The following RPA3 variants were observed in gnomAD, a reference collection of about 807,000 sequenced individuals.
RPA3 encodes the protein replication protein A 14 kDa subunit.
RPA3 carries 24 observed loss-of-function variants against 13.7 expected under a neutral mutation model. That is an observed-to-expected ratio of 1.75 (90% CI 1.27 to 2.46). The LOEUF (loss-of-function observed/expected upper bound fraction) is 2.46. Among genes scored for constraint, RPA3 ranks in the 30% most tolerant of loss-of-function variants. The pLI is 0.00. For synonymous variants in RPA3, 59 were observed against 51.2 expected, an observed-to-expected ratio of 1.15 and a Z score of -0.65; for missense variants, 183 against 151.0, an observed-to-expected ratio of 1.21 and a Z score of -1.11.
At chr7:7,711,079 T>G (rs534885643) in intron 2 of RPA3, among the ~76,000 whole-genome samples, 1 of 152,292 alleles carries the variant, frequency 6.6e-6, no homozygotes, top group South Asian at 2.1e-4. Flanking sequence ...TATAGAAGGA[T>G]AACACTGGGG....
chr7:7,689,242 G>C, intron 2 of RPA3: 1 of 152,168 alleles, frequency 6.6e-6, no homozygotes, highest in Non-Finnish European at 1.5e-5. Flanking sequence ...GGCAGATACA[G>C]ACAGAAGAGA....
At chr7:7,692,188 C>T (rs559906456) in intron 2 of RPA3, among the ~76,000 whole-genome samples, 1 of 152,188 alleles carries the variant, frequency 6.6e-6, no homozygotes, top group South Asian at 2.1e-4. Context: ...AGCAGCTAGT[C>T]AGCAGGTAGA....
At chr7:7,659,981 G>A (rs1470743113) in intron 4 of RPA3, among the ~76,000 whole-genome samples, 12 of 152,118 alleles carry the variant, frequency 7.9e-5, no homozygotes. Flanking sequence ...GAATCTGGGT[G>A]ATCCTGTATT....
intron 2 of RPA3, among the ~76,000 whole-genome samples, chr7:7,706,349 G>A (rs895646052): frequency 2.0e-5 from 3 of 152,120 alleles, no homozygotes; most frequent in African/African-American, 7.2e-5. Context: ...CCTAGTCTGG[G>A]TTTGCTGGTT....
intron 4 of RPA3, among the ~76,000 whole-genome samples, chr7:7,683,200 C>T (rs972539003): frequency 1.3e-5 from 2 of 152,070 alleles, no homozygotes; most frequent in African/African-American, 2.4e-5. Flanking sequence ...TTGACTCAAA[C>T]GTAAATTAGG....
chr7:7,639,828 G>A (rs1035354163), intron 5 of RPA3: 3 of 167,196 alleles, frequency 1.8e-5, no homozygotes, highest in African/African-American at 7.2e-5. Flanking sequence ...TGTAGAATGA[G>A]GGAACTTCAC....
At chr7:7,696,331 G>T (rs1221260044) in intron 2 of RPA3, among the ~76,000 whole-genome samples, 1 of 151,310 alleles carries the variant, frequency 6.6e-6, no homozygotes, top group Non-Finnish European at 1.5e-5. Flanking sequence ...AACAAATGTG[G>T]TCTGATGGTG....
intron 4 of RPA3, among the ~76,000 whole-genome samples, chr7:7,666,394 G>C (rs903244433): frequency 1.3e-5 from 2 of 152,072 alleles, no homozygotes; most frequent in Non-Finnish European, 2.9e-5. Flanking sequence ...TTGTAGTAGA[G>C]ATGGGGTTTT....
chr7:7,653,082 A>G (rs570865851), intron 4 of RPA3, among the ~76,000 whole-genome samples: 5 of 152,332 alleles, frequency 3.3e-5, no homozygotes, highest in Admixed American at 3.3e-4. Context: ...GATGTGTTTT[A>G]TGATATTTGT....
chr7:7,656,776 C>G (rs185164190), intron 4 of RPA3, among the ~76,000 whole-genome samples: 71 of 152,236 alleles, frequency 4.7e-4, no homozygotes, highest in African/African-American at 1.3e-3. Flanking sequence ...AATAAACATA[C>G]GTGCGCATGT....
chr7:7,637,050 T>A lies in RPA3; in HGVS notation c.316A>T (p.Ile106Phe). The change falls in exon 8 of 8, where the codon ATC becomes TTC. Residue 106 changes from isoleucine (I) to phenylalanine (F), a missense_variant. Coordinates refer to ENST00000223129, the MANE Select transcript of RPA3 (RefSeq NM_002947.5). ...GGATAAAACTGAGGGAAGTCATGGA[T>A]AATTTTCACAGCTTCATTGTAAAGT... is the stretch of plus-strand genomic sequence containing the variant. The part of the protein sequence containing the change: ...LGLYNEAVKI[I>F]HDFPQFYPLG... 1.9e-6 allele frequency: 3 copies of A among 1,612,768 alleles called. No individual in the cohort carries two copies. The highest frequency in any genetic ancestry group is 2.2e-5 in the South Asian group (2 of 91,046).
At chr7:7,699,058 G>T (rs1009041604) in intron 2 of RPA3, among the ~76,000 whole-genome samples, 19 of 142,638 alleles carry the variant, frequency 1.3e-4, no homozygotes, top group Admixed American at 2.1e-4. Flanking sequence ...GTGGGGGGGG[G>T]GTAGATACCA....
intron 1 of RPA3, among the ~76,000 whole-genome samples, chr7:7,717,504 A>G (rs1780948471): frequency 6.6e-6 from 1 of 152,224 alleles, no homozygotes; most frequent in African/African-American, 2.4e-5. Flanking sequence ...TATTAAATGA[A>G]TATGATTTAT....
chr7:7,666,092 A>C (rs755702287), intron 4 of RPA3, among the ~76,000 whole-genome samples: 4 of 152,234 alleles, frequency 2.6e-5, no homozygotes, highest in Non-Finnish European at 1.5e-5. Context: ...TGTTGTCCAC[A>C]GTGGCTGTAC....
At chr7:7,641,849 A>G (rs989740571) in intron 4 of RPA3, 1 of 152,234 alleles carries the variant, frequency 6.6e-6, no homozygotes, top group African/African-American at 2.4e-5. Context: ...TCACGTGGCA[A>G]TTTAAGATTG....
intron 4 of RPA3, among the ~76,000 whole-genome samples, chr7:7,665,077 T>A (rs748844407): frequency 6.6e-6 from 1 of 152,194 alleles, no homozygotes; most frequent in Non-Finnish European, 1.5e-5. Flanking sequence ...AGTAGCTGCA[T>A]CAATCACACA....
chr7:7,645,582 C>G (rs1583687934), intron 4 of RPA3, among the ~76,000 whole-genome samples: 1 of 152,316 alleles, frequency 6.6e-6, no homozygotes, highest in East Asian at 1.9e-4. Flanking sequence ...TCCTTCCCAA[C>G]TTGAATTTCT....
chr7:7,653,749 T>C (rs1254212054), intron 4 of RPA3, among the ~76,000 whole-genome samples: 2 of 152,220 alleles, frequency 1.3e-5, no homozygotes, highest in Admixed American at 1.3e-4. Flanking sequence ...CCCTTTCTTG[T>C]AATGTCTTGG....
chr7:7,653,983 AT>A (rs2115078734), intron 4 of RPA3, among the ~76,000 whole-genome samples: 1 of 152,236 alleles, frequency 6.6e-6, no homozygotes, highest in East Asian at 1.9e-4. Context: ...GTAATATGAG[AT>A]TTCCCCCCTA....
Sources: allele counts gnomAD v4.1 joint callset (sites outside exome capture counted in the v4.1 genomes callset), GRCh38; gene constraint gnomAD v4.1.1; transcripts MANE v1.5; gene names NCBI Gene and HGNC (gene_info 2026-07-23, HGNC 2026-07-21).